ALDH7A1: variants seen among roughly 807,000 people sequenced by gnomAD.
ALDH7A1 encodes the protein alpha-aminoadipic semialdehyde dehydrogenase.
Under a neutral mutation model 79.9 loss-of-function variants are expected in ALDH7A1, and 63 were observed. The observed-to-expected ratio is 0.79, with a 90% CI of 0.64 to 0.97. The LOEUF (loss-of-function observed/expected upper bound fraction) is 0.97. ALDH7A1 is among the 50% of genes least tolerant of loss of function. ALDH7A1 has a pLI of 0.00. For synonymous variants in ALDH7A1, 240 were observed against 231.2 expected (o/e 1.04, Z -0.34); for missense variants, 627 against 665.2 (o/e 0.94, Z 0.63).
chr5:126,551,814 C>T (rs937343789), intron 14 of ALDH7A1, among the ~76,000 whole-genome samples: 3 of 152,096 alleles, frequency 2.0e-5, no homozygotes, highest in African/African-American at 7.2e-5. Flanking sequence ...GGTCCACTAC[C>T]CAATCTGGTT....
At chr5:126,545,043 T>C in intron 17 of ALDH7A1, 24 bp from the exon 18 acceptor site, 1 of 1,537,122 alleles carries the variant, frequency 6.5e-7, no homozygotes, top group Non-Finnish European at 9.0e-7. Context: ...ATAACAGAAT[T>C]AATGACAGTA....
rs754614105 is a variant in ALDH7A1, at chr5:126,595,167, T to C, written c.32A>G (p.His11Arg). The change falls in exon 1 of 18, where the codon CAC (histidine) becomes CGC (arginine). Residue 11 changes from histidine to arginine, a missense_variant. Transcript: ENST00000409134. ...AGAGAGCTTGCTGGTCTTTGCAGCG[T>C]GCACACACAGCGCGCGAGGAAGGCG... Reference protein sequence around the residue: MWRLPRALCVHAAKTSKLSGP... With the variant: MWRLPRALCVRAAKTSKLSGP... 6.4e-7 allele frequency: 1 copy of C among 1,554,666 alleles called. No homozygotes were observed. The highest frequency in any genetic ancestry group is 8.7e-7 in the Non-Finnish European group (1 of 1,148,458).
chr5:126,559,389 T>C, intron 10 of ALDH7A1, 55 bp from the exon 11 acceptor site: 1 of 1,316,288 alleles, frequency 7.6e-7, no homozygotes, highest in Non-Finnish European at 1.1e-6. Context: ...GACAAGGTAT[T>C]TGTTAGCTGG....
At chr5:126,571,162 T>G (rs1277020508) in intron 7 of ALDH7A1, 4 of 246,836 alleles carry the variant, frequency 1.6e-5, no homozygotes, top group Admixed American at 6.1e-5. Flanking sequence ...TTTTTTTTTT[T>G]TTTTTTTTTT....
intron 9 of ALDH7A1, among the ~76,000 whole-genome samples, chr5:126,564,783 A>G (rs1223530876): frequency 1.3e-5 from 2 of 152,164 alleles, no homozygotes; most frequent in African/African-American, 4.8e-5. Context: ...TACGCCTGAC[A>G]TTAGCTTCTC....
chr5:126,588,367 T>C (rs1479830244), intron 3 of ALDH7A1: 2 of 150,382 alleles, frequency 1.3e-5, no homozygotes, highest in East Asian at 4.0e-4. Flanking sequence ...TAGTCCCGGC[T>C]ACTCAGGAAG....
intron 11 of ALDH7A1, among the ~76,000 whole-genome samples, chr5:126,558,166 C>CAAAAAAAAAAAAAAAAAAAAAA (rs35559498): frequency 3.2e-4 from 24 of 75,424 alleles, no homozygotes; most frequent in Admixed American, 6.0e-4. Context: ...GACTCCAACT[C>CAAAAAAAAAAAAAAAAAAAAAA]AAAAAAAAAA....
At chr5:126,589,641 T>G (rs1012324543) in intron 3 of ALDH7A1, among the ~76,000 whole-genome samples, 2 of 152,108 alleles carry the variant, frequency 1.3e-5, no homozygotes, top group Non-Finnish European at 2.9e-5. Context: ...TAGCCAGGCC[T>G]GCCACTCCGT....
intron 7 of ALDH7A1, among the ~76,000 whole-genome samples, chr5:126,574,691 T>A (rs1387928708): frequency 6.9e-6 from 1 of 144,050 alleles, no homozygotes; most frequent in African/African-American, 2.9e-5. Flanking sequence ...CAAGACTCCA[T>A]CTCAAAAAAT....
At position 126,568,292 on chromosome 5, in the gene ALDH7A1, T is replaced by C. The variant is rs1429272349; in HGVS notation, c.838A>G (p.Lys280Glu). 7.4e-6 allele frequency: 12 copies of C among 1,614,078 alleles called. No individual in the cohort carries two copies. Among genetic ancestry groups the C allele is most frequent in the Non-Finnish European group, 1.0e-5 (12 of 1,180,028 alleles). The change falls in exon 9 of 18, where the codon AAA becomes GAA. Residue 280 changes from lysine to glutamate, a missense_variant. Lys to Glu is a moderately conservative substitution (Grantham distance 56). Transcript: ENST00000409134. ...LSFTGSTQVG[K>E]QVGLMVQERF... ...TCCTGCACCATCAGGCCCACCTGTT[T>C]TCCCACCTGAGTGCTCCCAGTGAAG...
At chr5:126,585,451 G>T (rs1005219491) in intron 3 of ALDH7A1, among the ~76,000 whole-genome samples, 3 of 152,168 alleles carry the variant, frequency 2.0e-5, no homozygotes, top group Admixed American at 1.3e-4. Flanking sequence ...TGAGCTCAAG[G>T]TTCTTCCTTG....
chr5:126,549,994 C>A lies in ALDH7A1; in HGVS notation c.1424G>T (p.Gly475Val). Reference protein sequence around the residue: ...GRIFRWLGPKGSDCGIVNVNI... With the variant: ...GRIFRWLGPKVSDCGIVNVNI... ...GACATTTACAATGCCACAGTCTGAT[C>A]CTTTAGGTCTGTGTAAAAAGGGAGG... Residue 475 changes from glycine to valine, a missense_variant, in exon 16 of 18, where the codon GGA becomes GTA. Transcript: ENST00000409134. 6.2e-7 allele frequency: 1 copy of A among 1,614,048 alleles called. No homozygotes were observed. Among genetic ancestry groups the A allele is most frequent in the African/African-American group, 1.3e-5 (1 of 75,002 alleles).
intron 10 of ALDH7A1, among the ~76,000 whole-genome samples, chr5:126,559,801 G>A (rs1359616526): frequency 2.6e-5 from 4 of 152,238 alleles, no homozygotes; most frequent in South Asian, 2.1e-4. Context: ...TGCACGTTAC[G>A]AAGACATATA....
chr5:126,574,272 A>G (rs1750887970), intron 7 of ALDH7A1, among the ~76,000 whole-genome samples: 1 of 150,264 alleles, frequency 6.7e-6, no homozygotes, highest in Non-Finnish European at 1.5e-5. Flanking sequence ...TGGTGGCACA[A>G]GCCTGTAATC....
At chr5:126,551,524 T>C (rs1341161094) in intron 14 of ALDH7A1, among the ~76,000 whole-genome samples, 1 of 152,134 alleles carries the variant, frequency 6.6e-6, no homozygotes, top group Non-Finnish European at 1.5e-5. Flanking sequence ...GGTTTCACCA[T>C]GTTGGCCAGG....
intron 7 of ALDH7A1, among the ~76,000 whole-genome samples, chr5:126,574,023 C>CAAA (rs34601459): frequency 0.12 from 6,771 of 56,950 alleles, 493 homozygotes; most frequent in African/African-American, 0.15. Context: ...AAGACTGTCT[C>CAAA]AAAAAAAAAA....
At chr5:126,563,219 G>C (rs1210980807) in intron 9 of ALDH7A1, among the ~76,000 whole-genome samples, 1 of 152,152 alleles carries the variant, frequency 6.6e-6, no homozygotes, top group African/African-American at 2.4e-5. Context: ...CAATTTGATA[G>C]TGTCTTCCAA....
chr5:126,591,858 C>T (rs984755151), intron 3 of ALDH7A1: 1 of 152,222 alleles, frequency 6.6e-6, no homozygotes, highest in African/African-American at 2.4e-5. Flanking sequence ...GCTGACTCTG[C>T]CTCACAGCCT....
chr5:126,554,050 G>A lies in ALDH7A1; in HGVS notation c.1200+237C>T, dbSNP rs969493810. Among the ~76,000 whole-genome samples, 13 of 152,080 alleles carry A rather than the reference G, an allele frequency of 8.5e-5. No homozygotes were observed. The South Asian group carries it at 2.3e-3, about 27-fold the overall frequency. On this transcript the variant is annotated intron_variant, in intron 13 of 17. Coordinates refer to ENST00000409134, the MANE Select transcript of ALDH7A1 (RefSeq NM_001182.5). The stretch of plus-strand genomic sequence containing the variant: ...TTGAACCTGGGAGGCGGAGGTTGCC[G>A]TGAGCCAAGATTGCGCCACTGCACT...
Sources: gnomAD v4.1 joint callset for allele counts (sites outside exome capture counted in the v4.1 genomes callset) on GRCh38, gnomAD v4.1.1 for gene constraint, MANE v1.5 for transcripts, NCBI Gene and HGNC (gene_info 2026-07-23, HGNC 2026-07-21) for gene names.